THOP1: variants seen among roughly 807,000 people sequenced by gnomAD.
The protein encoded by THOP1 is thimet oligopeptidase.
In THOP1, 49 loss-of-function variants were observed where a neutral mutation model predicts 71.8. The ratio of observed to expected loss-of-function variants is 0.68; its 90% CI spans 0.54 to 0.87. The LOEUF (loss-of-function observed/expected upper bound fraction) is 0.87, where lower values mean the gene tolerates loss of function less well. THOP1 is among the 40% of genes least tolerant of loss of function. The probability of loss-of-function intolerance (pLI) is 0.00; values close to 1 mark genes in which losing one functional copy is unlikely to be tolerated. For missense variants in THOP1, 843 were observed against 975.6 expected (o/e 0.86, Z 1.81); for synonymous variants, 426 against 421.5 (o/e 1.01, Z -0.13).
chr19:2,799,846 G>T, intron 5 of THOP1, 55 bp downstream of exon 5: 1 of 1,499,392 alleles, frequency 6.7e-7, no homozygotes, highest in Non-Finnish European at 9.2e-7. Context: ...CTCAGTGCAG[G>T]CCTGCCAGGC....
chr19:2,813,349 G>T lies in THOP1; in HGVS notation c.*73G>T. Reference sequence around the variant, plus strand: ...GGTGCCTTAGCCCCCGGCACAGGATGGGGCAGGCTCTGGCACAGTGCCTGG... The same window carrying T: ...GGTGCCTTAGCCCCCGGCACAGGATTGGGCAGGCTCTGGCACAGTGCCTGG... On this transcript the variant is annotated 3_prime_UTR_variant, in exon 13 of 13. Transcript: ENST00000307741. 6.8e-7 allele frequency: 1 copy of T among 1,476,202 alleles called. No individual in the cohort carries two copies. Among genetic ancestry groups the T allele is most frequent in the South Asian group, 1.3e-5 (1 of 77,154 alleles). 91.4% of individuals were successfully genotyped at this position (1,476,202 alleles called of 1,614,324 possible). A position where few individuals can be genotyped will look rare whatever the true frequency, so the allele number is the denominator to read the frequency against.
At position 2,812,166 on chromosome 19, in the gene THOP1, C is replaced by T. The variant is rs574903948; in HGVS notation, c.1908+432C>T. 21 of 1,479,060 alleles carry T rather than the reference C, an allele frequency of 1.4e-5. No homozygotes were observed. In the East Asian group the frequency reaches 2.0e-4, roughly 14 times the overall value. The allele number at this position is 1,479,060 out of a possible 1,614,324, so 91.6% of individuals were successfully genotyped here. A position where few individuals can be genotyped will look rare whatever the true frequency, so the allele number is the denominator to read the frequency against. On this transcript the variant is annotated intron_variant, in intron 12 of 12. Transcript: ENST00000307741. The stretch of plus-strand genomic sequence containing the variant: ...AGACCCTTCTCTGGAGAAGGCTTGG[C>T]GTTTGCCATTCATTTGCTCCTCCAA...
Position 2,807,033 on chromosome 19 carries a change from G to C in THOP1, c.867G>C (p.Gln289His), listed in dbSNP as rs1039222515. Residue 289 changes from glutamine (Q) to histidine (H), a missense_variant, in exon 7 of 13, where the codon CAG (glutamine) becomes CAC (histidine). Coordinates refer to ENST00000307741, the MANE Select transcript of THOP1 (RefSeq NM_003249.5). Reference sequence around the variant, plus strand: ...AGATGAACATGGCCAAGACCAGCCAGACCGTGGCCACCTTCCTAGGTAGCC... The same window carrying C: ...AGATGAACATGGCCAAGACCAGCCACACCGTGGCCACCTTCCTAGGTAGCC... ...VLEMNMAKTS[Q>H]TVATFLDELA... is the part of the protein sequence containing the mutation. 1.9e-6 allele frequency: 3 copies of C among 1,610,680 alleles called. No homozygotes were observed. Among genetic ancestry groups the C allele is most frequent in the Non-Finnish European group, 2.5e-6 (3 of 1,178,908 alleles).
chr19:2,810,962 G>T (rs1916448522), intron 11 of THOP1, among the ~76,000 whole-genome samples, 194 bp downstream of exon 11: 1 of 152,252 alleles, frequency 6.6e-6, no homozygotes, highest in South Asian at 2.1e-4. Flanking sequence ...GTCGGGGACG[G>T]GTGTGCGGCC....
At chr19:2,807,253 G>A (rs1292607193) in intron 7 of THOP1, among the ~76,000 whole-genome samples, 189 bp from the exon 8 acceptor site, 1 of 152,152 alleles carries the variant, frequency 6.6e-6, no homozygotes, top group Admixed American at 6.5e-5. Flanking sequence ...TCAGTCCCAT[G>A]CTTGCACCCG....
In THOP1 at chr19:2,801,544, G is replaced by A. The variant is rs1916144600; in HGVS notation, c.589+1753G>A. ...GTCCGCTGCTGCTGCCCCGGGACCT[G>A]TTTCCCTTTGTGGTCCGTCATTTCT... On this transcript the variant is annotated intron_variant, in intron 5 of 12. Coordinates refer to ENST00000307741, the MANE Select transcript of THOP1 (RefSeq NM_003249.5). This position sits in a 1 kb window ranked among gnomAD's most constrained non-coding sequence, Gnocchi z 5.1. Among the ~76,000 whole-genome samples the A allele has an allele frequency of 6.6e-6, 1 of 152,172 alleles. No individual in the cohort carries two copies. Among genetic ancestry groups the A allele is most frequent in the South Asian group, 2.1e-4 (1 of 4,828 alleles).
chr19:2,812,383 G>A (rs549477458), intron 12 of THOP1: 94 of 1,505,232 alleles, frequency 6.2e-5, no homozygotes, highest in Non-Finnish European at 7.0e-5. Context: ...GTACCTCGGA[G>A]CCACCAAGCA....
At chr19:2,810,152 G>A (rs374686738) in intron 9 of THOP1, 152 bp from the exon 10 acceptor site, 36 of 1,002,502 alleles carry the variant, frequency 3.6e-5, no homozygotes, top group South Asian at 2.0e-4. Flanking sequence ...TCCGGGTCCC[G>A]GTCGTTTTCC....
rs1274796062 is a variant in THOP1 at position 2,801,709 on chromosome 19, G to C, written c.589+1918G>C. On this transcript the variant is annotated intron_variant, in intron 5 of 12. Transcript: ENST00000307741. This position sits in a 1 kb window ranked among gnomAD's most constrained non-coding sequence, Gnocchi z 5.1. ...AGTCCCAGGTCGAGGGGCCATATCT[G>C]GCCAGGGCCTTCTTCCTGGTGGGGA... Among the ~76,000 whole-genome samples the C allele has an allele frequency of 6.6e-6, 1 of 152,156 alleles. No homozygotes were observed. The highest frequency in any genetic ancestry group is 1.5e-5 in the Non-Finnish European group (1 of 68,006).
intron 2 of THOP1, among the ~76,000 whole-genome samples, chr19:2,791,626 C>T (rs1736177): frequency 0.37 from 55,789 of 152,026 alleles, 10,823 homozygotes; most frequent in East Asian, 0.64. Context: ...TTCCCCTCCT[C>T]GGCCACGTGG....
Position 2,805,660 on chromosome 19 carries a change from G to C in THOP1, c.750+484G>C, listed in dbSNP as rs1345157490. 6.6e-6 allele frequency among the ~76,000 whole-genome samples: 1 copy of C among 152,148 alleles called. No homozygotes were observed. On this transcript the variant is annotated intron_variant, in intron 6 of 12. Transcript: ENST00000307741. This position sits in a 1 kb window ranked among gnomAD's most constrained non-coding sequence, Gnocchi z 6.6. The stretch of plus-strand genomic sequence containing the variant: ...ACGGCGCCATGGTGTGGTCGGTCAG[G>C]TGGTCTCTGCACGTCTCCCATTCGC...
Position 2,808,458 on chromosome 19 carries a change from C to T in THOP1, c.1455+14C>T, listed in dbSNP as rs200160673. Reference sequence around the variant, plus strand: ...CTCTGCTCCCAGGTGGGTGCGGGCCCGGGCAGGGGCAGGGGCAGGGGCAGG... The same window carrying T: ...CTCTGCTCCCAGGTGGGTGCGGGCCTGGGCAGGGGCAGGGGCAGGGGCAGG... On this transcript the variant is annotated intron_variant, in intron 9 of 12. Coordinates refer to ENST00000307741, the MANE Select transcript of THOP1 (RefSeq NM_003249.5). The T allele has an allele frequency of 2.0e-3, 3,143 of 1,577,370 alleles. 5 individuals are homozygous for T. The highest frequency in any genetic ancestry group is 2.6e-3 in the Non-Finnish European group (3,010 of 1,159,142).
chr19:2,803,685 C>T (rs552461317), intron 5 of THOP1, among the ~76,000 whole-genome samples: 1 of 152,294 alleles, frequency 6.6e-6, no homozygotes, highest in South Asian at 2.1e-4. Flanking sequence ...CCCGGGAGGC[C>T]TCCCCCTCAT....
intron 2 of THOP1, among the ~76,000 whole-genome samples, chr19:2,792,792 C>T (rs1292070204): frequency 6.6e-6 from 1 of 150,916 alleles, no homozygotes; most frequent in African/African-American, 2.4e-5. Flanking sequence ...TAGCTGAGAG[C>T]ACAAGTGTGT....
rs117519529 is a variant in THOP1, at chr19:2,804,361, G to A, written c.590-655G>A. ...AGGGACAGCAGGGCTCCAGTGAGAAGCTCTGGGAGTAGGAATTGGGTCTCT... is the reference window on the plus strand; with the variant it reads ...AGGGACAGCAGGGCTCCAGTGAGAAACTCTGGGAGTAGGAATTGGGTCTCT... On this transcript the variant is annotated intron_variant, in intron 5 of 12. Coordinates refer to ENST00000307741, the MANE Select transcript of THOP1 (RefSeq NM_003249.5). This position sits in a 1 kb window ranked among gnomAD's most constrained non-coding sequence, Gnocchi z 4.7. Among the ~76,000 whole-genome samples the A allele has an allele frequency of 6.6e-6, 1 of 152,322 alleles. No individual in the cohort carries two copies. The highest frequency in any genetic ancestry group is 1.5e-5 in the Non-Finnish European group (1 of 68,032).
chr19:2,790,718 C>A, intron 2 of THOP1, 85 bp downstream of exon 2: 2 of 1,289,812 alleles, frequency 1.6e-6, no homozygotes, highest in South Asian at 1.6e-5. Flanking sequence ...CCCGTGGAGC[C>A]GGTTCAGAAC....
At chr19:2,795,455 T>C (rs1177582810) in intron 3 of THOP1, among the ~76,000 whole-genome samples, 3 of 152,268 alleles carry the variant, frequency 2.0e-5, no homozygotes, top group Non-Finnish European at 2.9e-5. Context: ...ACCCTCCTGC[T>C]GCTGTTCATC....
chr19:2,807,383 G>A, intron 7 of THOP1, 59 bp from the exon 8 acceptor site: 2 of 1,511,546 alleles, frequency 1.3e-6, no homozygotes, highest in Admixed American at 4.2e-5. Flanking sequence ...GGGCGGGCGA[G>A]CCCAGAGCCA....
At chr19:2,793,853 C>A (rs1403326212) in intron 2 of THOP1, among the ~76,000 whole-genome samples, 4 of 152,176 alleles carry the variant, frequency 2.6e-5, no homozygotes, top group Admixed American at 2.6e-4. Flanking sequence ...TCTTGTCAGT[C>A]CATTCACTCG....
Sources: allele counts gnomAD v4.1 joint callset (sites outside exome capture counted in the v4.1 genomes callset), GRCh38; gene constraint gnomAD v4.1.1; non-coding constraint Gnocchi (gnomAD v3.1); transcripts MANE v1.5; gene names NCBI Gene and HGNC (gene_info 2026-07-23, HGNC 2026-07-21).